COL5A3: variants seen among roughly 807,000 people sequenced by gnomAD.
COL5A3 encodes the protein collagen type V alpha 3 chain, also known as collagen alpha-3(V) chain.
In COL5A3, 172 loss-of-function variants were observed where a neutral mutation model predicts 250.0. That is an observed-to-expected ratio of 0.69 (90% CI 0.61 to 0.78). The LOEUF (loss-of-function observed/expected upper bound fraction) is 0.78, where lower values mean the gene tolerates loss of function less well. COL5A3 is among the 30% of genes least tolerant of loss of function. The pLI, the probability that COL5A3 is intolerant of heterozygous loss-of-function variation, is 0.00. For synonymous variants in COL5A3, 937 were observed against 900.4 expected (o/e 1.04, Z -0.73); for missense variants, 2,340 against 2,334.4 (o/e 1.00, Z -0.05).
At chr19:10,006,255 T>C in intron 1 of COL5A3, 24 bp from the exon 2 acceptor site, 1 of 1,572,518 alleles carries the variant, frequency 6.4e-7, no homozygotes, top group Non-Finnish European at 8.6e-7. Flanking sequence ...AAGCCGGGGG[T>C]GTCAGGCAGA....
At chr19:10,008,666 GA>G (rs1448818575) in intron 1 of COL5A3, among the ~76,000 whole-genome samples, 3 of 152,190 alleles carry the variant, frequency 2.0e-5, no homozygotes, top group African/African-American at 2.4e-5. Context: ...GACAGGCAGA[GA>G]ATAGCTGGGC....
Position 9,992,862 on chromosome 19 carries a change from C to T in COL5A3, c.1813G>A (p.Gly605Ser). 1 of 1,614,168 alleles carries T rather than the reference C, an allele frequency of 6.2e-7. No homozygotes were observed. The change falls in exon 21 of 67, where the codon GGC (glycine) becomes AGC (serine). Residue 605 changes from glycine to serine, a missense_variant. Transcript: ENST00000264828. ...GTGGGGCCAGGAGAGCCTCTGGGGC[C>T]AAGCAGTCCTCGTGGACCCTGCAAG... ...AGEPGPRGLL[G>S]PRGSPGPTGR...
intron 37 of COL5A3, 96 bp from the exon 38 acceptor site, chr19:9,979,513 G>C (rs914593884): frequency 3.0e-6 from 4 of 1,347,416 alleles, no homozygotes; most frequent in Non-Finnish European, 4.2e-6. Context: ...GAATCTGGCC[G>C]GTCCGGTGGC....
intron 41 of COL5A3, among the ~76,000 whole-genome samples, 193 bp from the exon 42 acceptor site, chr19:9,977,894 C>T (rs2145087788): frequency 6.7e-6 from 1 of 149,828 alleles, no homozygotes; most frequent in South Asian, 2.1e-4. Context: ...AAGAACACTC[C>T]ATGGCTCCCA....
rs2086750072 is a variant in COL5A3, at chr19:9,966,583, C to T, written c.4622G>A (p.Gly1541Asp). ...RRPPGTAERP[G>D]LVCHELHRNH... ...GCGGTGCAGCTCGTGGCACACGAGG[C>T]CCGGGCGCTCCGCAGTGCCGGGAGG... The change falls in exon 63 of 67, where the codon GGC becomes GAC. Residue 1541 changes from glycine to aspartate, a missense_variant. By Grantham distance (94) the Gly-to-Asp change is moderately conservative. Coordinates refer to ENST00000264828, the MANE Select transcript of COL5A3 (RefSeq NM_015719.4). The T allele has an allele frequency of 1.3e-6, 2 of 1,541,340 alleles. No homozygotes were observed. The highest frequency in any genetic ancestry group is 8.7e-7 in the Non-Finnish European group (1 of 1,147,312).
chr19:9,991,522 A>G (rs748521472), intron 24 of COL5A3, 88 bp downstream of exon 24: 3 of 1,103,886 alleles, frequency 2.7e-6, no homozygotes, highest in Non-Finnish European at 3.9e-6. Flanking sequence ...CAGAGCTAAC[A>G]GAGGGGTCTT....
Position 9,989,328 on chromosome 19 carries a change from C to G in COL5A3, c.2085G>C (p.Gly695=). 1 of 1,614,216 alleles carries G rather than the reference C, an allele frequency of 6.2e-7. No homozygotes were observed. ...TAACCTCCTGGTCACTCACCTGAGCCCCTTTCTCTCCCGTGGGGCCCTCAT... is the reference window on the plus strand; with the variant it reads ...TAACCTCCTGGTCACTCACCTGAGCGCCTTTCTCTCCCGTGGGGCCCTCAT... ...PGHEGPTGEK[G]AQGPPGSAGP... Residue 695 remains glycine (G), a synonymous_variant, in exon 26 of 67, where the codon GGG becomes GGC. Coordinates refer to ENST00000264828, the MANE Select transcript of COL5A3 (RefSeq NM_015719.4).
In COL5A3 at chr19:10,010,418, A is replaced by G; in HGVS notation, c.-33T>C. On this transcript the variant is annotated 5_prime_UTR_variant, in exon 1 of 67. Coordinates refer to ENST00000264828, the MANE Select transcript of COL5A3 (RefSeq NM_015719.4). ...GGGCCCACGGGCAAGGCGGGGAACCAGTCGGGGCGGCTGCGGGGCGCGGCG... is the reference window on the plus strand; with the variant it reads ...GGGCCCACGGGCAAGGCGGGGAACCGGTCGGGGCGGCTGCGGGGCGCGGCG... 7.5e-7 allele frequency: 1 copy of G among 1,333,932 alleles called. No individual in the cohort carries two copies. Among genetic ancestry groups the G allele is most frequent in the South Asian group, 2.0e-5 (1 of 50,412 alleles). The allele number at this position is 1,333,932 out of a possible 1,614,324, so 82.6% of individuals were successfully genotyped here.
At chr19:9,965,981 G>A (rs1428806831) in intron 64 of COL5A3, among the ~76,000 whole-genome samples, 2 of 148,112 alleles carry the variant, frequency 1.4e-5, no homozygotes, top group Non-Finnish European at 3.0e-5. Flanking sequence ...CTACAGGCTC[G>A]CACCACCATG....
chr19:9,973,820 A>G lies in COL5A3; in HGVS notation c.3559-11T>C, dbSNP rs375910486. Reference sequence around the variant, plus strand: ...CAGCCCTGGAGTGCCCTGGAGAGACAGCAAGGGGTAAGAGTGGGACTGTGG... The same window carrying G: ...CAGCCCTGGAGTGCCCTGGAGAGACGGCAAGGGGTAAGAGTGGGACTGTGG... On this transcript the variant is annotated splice_polypyrimidine_tract_variant and intron_variant, in intron 48 of 66. Coordinates refer to ENST00000264828, the MANE Select transcript of COL5A3 (RefSeq NM_015719.4). 6.7e-5 allele frequency: 108 copies of G among 1,613,886 alleles called. No homozygotes were observed. Among genetic ancestry groups the G allele is most frequent in the Non-Finnish European group, 9.0e-5 (106 of 1,179,962 alleles).
intron 40 of COL5A3, 52 bp downstream of exon 40, chr19:9,978,839 C>T: frequency 2.4e-6 from 3 of 1,267,068 alleles, no homozygotes; most frequent in African/African-American, 3.1e-5. Context: ...CCTGACCCCC[C>T]CATCCTTTCC....
At chr19:9,990,570 AT>A (rs60535040) in intron 24 of COL5A3, among the ~76,000 whole-genome samples, 3 of 149,160 alleles carry the variant, frequency 2.0e-5, no homozygotes, top group East Asian at 4.0e-4. Context: ...AATAAAATTA[AT>A]TTTTTTTTTG....
At position 9,977,409 on chromosome 19, in the gene COL5A3, C is replaced by T. The variant is rs1391286555; in HGVS notation, c.3190G>A (p.Gly1064Arg). Residue 1064 changes from glycine (G) to arginine (R), a missense_variant, in exon 43 of 67, where the codon GGA becomes AGA. Coordinates refer to ENST00000264828, the MANE Select transcript of COL5A3 (RefSeq NM_015719.4). ...GAAGGCCCAGCAGCTCCAGGGGGTCCCAGAGGCCCCAGGGGCCCTGGGATC... is the reference window on the plus strand; with the variant it reads ...GAAGGCCCAGCAGCTCCAGGGGGTCTCAGAGGCCCCAGGGGCCCTGGGATC... ...DGIPGPLGPL[G>R]PPGAAGPSGE... is the part of the protein sequence containing the mutation. 6.5e-7 allele frequency: 1 copy of T among 1,544,096 alleles called. No individual in the cohort carries two copies. The highest frequency in any genetic ancestry group is 8.7e-7 in the Non-Finnish European group (1 of 1,145,822).
Position 9,996,647 on chromosome 19 carries a change from G to C in COL5A3, c.1306C>G (p.Arg436Gly). Residue 436 changes from arginine to glycine, a missense_variant, in exon 12 of 67, where the codon CGA (arginine) becomes GGA (glycine). By Grantham distance (125) the Arg-to-Gly change is moderately radical. This residue lies in a region of COL5A3 where 1,152 missense variants were observed against 1,146.3 expected (regional missense o/e 1.00). Transcript: ENST00000264828. ...ATGATCACAGTGCCCGGTGGGCCTC[G>C]GATCCCATCAATGCCGGGGATTCCT... ...LPGIPGIDGI[R>G]GPPGTVIMMP... 1 of 1,612,280 alleles carries C rather than the reference G, an allele frequency of 6.2e-7. No homozygotes were observed. Among genetic ancestry groups the C allele is most frequent in the Non-Finnish European group, 8.5e-7 (1 of 1,179,520 alleles).
Position 10,006,125 on chromosome 19 carries a change from GA to G in COL5A3, c.194del (p.Phe65SerfsTer29). ...CGAGCGTGCTGGCCTGGCCAATTCT[GA>G]ATGCCCGGTCACCCTCTGGAGTCCT... ...PQRTPEGDRA[F>X]RIGQASTLGI... is the part of the protein sequence containing the mutation. On this transcript the variant is annotated frameshift_variant, in exon 2 of 67. Transcript: ENST00000264828. LOFTEE classifies it high-confidence loss of function. The G allele has an allele frequency of 1.2e-6, 2 of 1,613,754 alleles. No homozygotes were observed. The highest frequency in any genetic ancestry group is 2.2e-5 in the South Asian group (2 of 91,008).
chr19:9,977,370 C>T lies in COL5A3; in HGVS notation c.3229G>A (p.Asp1077Asn), dbSNP rs748063440. Residue 1077 changes from aspartate (D) to asparagine (N), a missense_variant, in exon 43 of 67, where the codon GAC (aspartate) becomes AAC (asparagine). Physicochemically the swap from Asp to Asn is conservative, Grantham distance 23. This residue lies in a region of COL5A3 where 1,179 missense variants were observed against 1,162.6 expected (regional missense o/e 1.01). Coordinates refer to ENST00000264828, the MANE Select transcript of COL5A3 (RefSeq NM_015719.4). ...CCTCTCTGTGAACCCCTCACCTTGT[C>T]CCCTTCCTCGCCAGAAGGCCCAGCA... ...GAAGPSGEEGDKGDVGAPGHK... is the reference protein window; with the variant it reads ...GAAGPSGEEGNKGDVGAPGHK... 1.3e-6 allele frequency: 2 copies of T among 1,595,894 alleles called. No individual in the cohort carries two copies. Among genetic ancestry groups the T allele is most frequent in the Admixed American group, 1.7e-5 (1 of 58,776 alleles).
intron 62 of COL5A3, among the ~76,000 whole-genome samples, 172 bp from the exon 63 acceptor site, chr19:9,966,918 G>A (rs76626564): frequency 0.025 from 3,849 of 152,180 alleles, 103 homozygotes; most frequent in East Asian, 0.12. Context: ...GACAGGGAGA[G>A]ACACACAGGA....
intron 50 of COL5A3, 59 bp downstream of exon 50, chr19:9,973,511 G>T (rs139447550): frequency 6.5e-6 from 10 of 1,547,042 alleles, no homozygotes; most frequent in Middle Eastern, 2.2e-4. Context: ...GGCCCAAGAT[G>T]CCCAGGGGTC....
intron 27 of COL5A3, 88 bp from the exon 28 acceptor site, chr19:9,986,846 T>C: frequency 1.4e-6 from 2 of 1,466,492 alleles, no homozygotes; most frequent in South Asian, 2.3e-5. Flanking sequence ...GCAGCCAGGA[T>C]AGTCCCAAGA....
Sources: allele counts gnomAD v4.1 joint callset (sites outside exome capture counted in the v4.1 genomes callset), GRCh38; gene constraint gnomAD v4.1.1; regional missense constraint gnomAD v4.1.1; transcripts MANE v1.5; gene names NCBI Gene and HGNC (gene_info 2026-07-23, HGNC 2026-07-21).